SPMAP2L: variants seen among roughly 807,000 people sequenced by gnomAD.
The protein encoded by SPMAP2L is sperm microtubule associated protein 2 like, also known as sperm microtubule associated protein 2-like.
chr4:56,543,147 G>A, the SPMAP2L span, among the ~76,000 whole-genome samples: 5 of 151,192 alleles, frequency 3.3e-5, no homozygotes, highest in South Asian at 2.1e-4. Context: ...GCAGGGGTGC[G>A]ATCTTGGCTC....
the SPMAP2L span, among the ~76,000 whole-genome samples, chr4:56,617,694 G>A: frequency 1.3e-5 from 2 of 151,324 alleles, no homozygotes; most frequent in Non-Finnish European, 2.9e-5. Flanking sequence ...AGCTCATTTA[G>A]ACCCCCTTCC....
the SPMAP2L span, among the ~76,000 whole-genome samples, chr4:56,608,883 A>G: frequency 6.6e-6 from 1 of 152,178 alleles, no homozygotes; most frequent in Non-Finnish European, 1.5e-5. Context: ...AAGATGGGAC[A>G]TGGAGTCAAA....
the SPMAP2L span, among the ~76,000 whole-genome samples, chr4:56,568,758 GA>G: frequency 1.3e-5 from 2 of 152,246 alleles, no homozygotes; most frequent in East Asian, 3.9e-4. Flanking sequence ...TCTAATTTTA[GA>G]ACACTTTGTC....
chr4:56,614,479 A>C, the SPMAP2L span, among the ~76,000 whole-genome samples: 1 of 151,932 alleles, frequency 6.6e-6, no homozygotes, highest in African/African-American at 2.4e-5. Flanking sequence ...ACATGGTGAA[A>C]CCTCATCTCT....
At chr4:56,583,435 T>C in the SPMAP2L span, among the ~76,000 whole-genome samples, 3 of 152,168 alleles carry the variant, frequency 2.0e-5, no homozygotes, top group Non-Finnish European at 4.4e-5. Context: ...ACCACTGAAT[T>C]GTATACTTTA....
the SPMAP2L span, chr4:56,601,033 C>T: frequency 6.5e-7 from 1 of 1,535,424 alleles, no homozygotes; most frequent in Non-Finnish European, 8.7e-7. Context: ...CCGTGATGCC[C>T]ATTGGCCAGT....
At chr4:56,566,705 T>C in the SPMAP2L span, among the ~76,000 whole-genome samples, 460 of 141,790 alleles carry the variant, frequency 3.2e-3, 1 homozygote, top group African/African-American at 0.012. Flanking sequence ...CTTTTTTTTT[T>C]TTTTTTTTTT....
At chr4:56,610,628 TG>T in the SPMAP2L span, among the ~76,000 whole-genome samples, 2 of 152,196 alleles carry the variant, frequency 1.3e-5, no homozygotes, top group Non-Finnish European at 2.9e-5. Flanking sequence ...AAAGAGCTTC[TG>T]TACAGCAAAA....
chr4:56,615,755 A>G, the SPMAP2L span, among the ~76,000 whole-genome samples: 1 of 149,578 alleles, frequency 6.7e-6, no homozygotes, highest in East Asian at 1.9e-4. Context: ...CTCAAAACAA[A>G]CAAACAAACA....
the SPMAP2L span, among the ~76,000 whole-genome samples, chr4:56,608,737 A>C: frequency 9.8e-5 from 15 of 152,314 alleles, no homozygotes; most frequent in South Asian, 3.1e-3. Flanking sequence ...TTGTGACCCC[A>C]GGTTGGTAGA....
chr4:56,619,309 C>G, the SPMAP2L span, among the ~76,000 whole-genome samples: 3 of 152,196 alleles, frequency 2.0e-5, no homozygotes, highest in African/African-American at 4.8e-5. Flanking sequence ...GGAGGAACTA[C>G]TGTATAGGTA....
At chr4:56,596,023 G>T in the SPMAP2L span, among the ~76,000 whole-genome samples, 2 of 152,212 alleles carry the variant, frequency 1.3e-5, no homozygotes, top group Non-Finnish European at 2.9e-5. Context: ...CAAGTTTGCA[G>T]ACTTTATAGA....
the SPMAP2L span, among the ~76,000 whole-genome samples, chr4:56,546,440 T>C: frequency 6.6e-6 from 1 of 152,160 alleles, no homozygotes; most frequent in African/African-American, 2.4e-5. Context: ...TCCCCAGAGA[T>C]TGTGACTTAA....
At chr4:56,582,956 A>C in the SPMAP2L span, among the ~76,000 whole-genome samples, 1 of 152,222 alleles carries the variant, frequency 6.6e-6, no homozygotes, top group Non-Finnish European at 1.5e-5. Context: ...ACAAAAGGCT[A>C]CATATTTGTA....
At chr4:56,622,469 G>C in the SPMAP2L span, among the ~76,000 whole-genome samples, 2 of 152,136 alleles carry the variant, frequency 1.3e-5, no homozygotes, top group Non-Finnish European at 2.9e-5. Context: ...ATCTCCCTAG[G>C]CTTATTTATT....
the SPMAP2L span, among the ~76,000 whole-genome samples, chr4:56,552,915 G>A: frequency 1.3e-4 from 20 of 151,958 alleles, no homozygotes; most frequent in Admixed American, 7.2e-4. Context: ...TTCTATAGGC[G>A]GACAGACTTG....
the SPMAP2L span, among the ~76,000 whole-genome samples, chr4:56,612,806 A>T: frequency 6.6e-6 from 1 of 151,748 alleles, no homozygotes; most frequent in Non-Finnish European, 1.5e-5. Flanking sequence ...ACCTCAAGTG[A>T]TCTGCCCACC....
At chr4:56,532,012 A>C in the SPMAP2L span, among the ~76,000 whole-genome samples, 3 of 152,182 alleles carry the variant, frequency 2.0e-5, no homozygotes, top group African/African-American at 7.2e-5. Context: ...CCAGCCGTCC[A>C]TCTACTCGCT....
At chr4:56,599,770 GTA>G in the SPMAP2L span, among the ~76,000 whole-genome samples, 1 of 152,106 alleles carries the variant, frequency 6.6e-6, no homozygotes, top group Non-Finnish European at 1.5e-5. Context: ...TCCATGGTGT[GTA>G]TGTACCACAT....
Sources: gnomAD v4.1 joint callset for allele counts (sites outside exome capture counted in the v4.1 genomes callset) on GRCh38, gnomAD v4.1.1 for gene constraint, MANE v1.5 for transcripts, NCBI Gene and HGNC (gene_info 2026-07-23, HGNC 2026-07-21) for gene names.